OTUB1: variants seen among roughly 807,000 people sequenced by gnomAD.
The protein encoded by OTUB1 is OTU deubiquitinase, ubiquitin aldehyde binding 1.
Under a neutral mutation model 35.8 loss-of-function variants are expected in OTUB1, and 10 were observed. The observed-to-expected ratio is 0.28, with a 90% CI of 0.17 to 0.47. The LOEUF is 0.47. Ranked by LOEUF, OTUB1 falls within the 20% of genes least tolerant of loss-of-function variation. OTUB1 has a pLI of 0.99. For synonymous variants in OTUB1, 158 were observed against 143.8 expected, an observed-to-expected ratio of 1.10 and a Z score of -0.71; for missense variants, 264 against 351.6, an observed-to-expected ratio of 0.75 and a Z score of 1.99.
chr11:63,997,670 C>CA lies in OTUB1; in HGVS notation c.*124_*125insA. ...CCTTCTTCCTGTCACATGACCCCCC[C>CA]CCATGTTTTATTAAAGGGGGTGCTG... On this transcript the variant is annotated 3_prime_UTR_variant, in exon 7 of 7. Coordinates refer to ENST00000538426, the MANE Select transcript of OTUB1 (RefSeq NM_017670.3). 1 of 797,986 alleles carries CA rather than the reference C, an allele frequency of 1.3e-6. No homozygotes were observed. 49.4% of individuals were successfully genotyped at this position (797,986 alleles called of 1,614,324 possible).
At chr11:63,991,917 AAAATG>A (rs1247162728) in intron 3 of OTUB1, among the ~76,000 whole-genome samples, 10 of 152,156 alleles carry the variant, frequency 6.6e-5, no homozygotes, top group Non-Finnish European at 1.0e-4. Flanking sequence ...GCTGTGGAGA[AAAATG>A]AAAAGGGGAT....
At chr11:63,997,272 G>A (rs1282184546) in intron 6 of OTUB1, 28 bp downstream of exon 6, 1 of 1,611,452 alleles carries the variant, frequency 6.2e-7, no homozygotes. Flanking sequence ...TTTACTCTCG[G>A]CCGGGGGAGT....
At chr11:63,992,699 C>T (rs912165289) in intron 3 of OTUB1, among the ~76,000 whole-genome samples, 4 of 152,152 alleles carry the variant, frequency 2.6e-5, no homozygotes, top group Admixed American at 1.3e-4. Flanking sequence ...TACAGATGCT[C>T]GCCACCATGC....
chr11:63,995,758 T>A (rs1942711115), intron 3 of OTUB1, among the ~76,000 whole-genome samples: 1 of 149,722 alleles, frequency 6.7e-6, no homozygotes, highest in South Asian at 2.1e-4. Context: ...TGGTGGGGGC[T>A]GAGGAAAAAA....
At chr11:63,996,393 C>A in intron 3 of OTUB1, 137 bp from the exon 4 acceptor site, 1 of 868,256 alleles carries the variant, frequency 1.2e-6, no homozygotes, top group South Asian at 1.6e-5. Flanking sequence ...CAGCCTGTTT[C>A]AGGGACCCAG....
intron 1 of OTUB1, among the ~76,000 whole-genome samples, 172 bp downstream of exon 1, chr11:63,986,686 G>A (rs1942623130): frequency 6.6e-6 from 1 of 152,160 alleles, no homozygotes; most frequent in Non-Finnish European, 1.5e-5. Flanking sequence ...AGGAGCCACC[G>A]CCGCGACCCC....
At chr11:63,986,639 C>T (rs987997166) in intron 1 of OTUB1, 125 bp downstream of exon 1, 38 of 746,072 alleles carry the variant, frequency 5.1e-5, no homozygotes, top group Non-Finnish European at 4.1e-5. Context: ...GGGTCCCTTC[C>T]TCCACCTCCG....
chr11:63,997,611 T>A lies in OTUB1; in HGVS notation c.*65T>A, dbSNP rs1590783172. ...GCCAGGCGCTAGACATGTACAGAGGTTTTTCTGTGGTTGTAAATGGTCCTA... is the reference window on the plus strand; with the variant it reads ...GCCAGGCGCTAGACATGTACAGAGGATTTTCTGTGGTTGTAAATGGTCCTA... On this transcript the variant is annotated 3_prime_UTR_variant, in exon 7 of 7. Coordinates refer to ENST00000538426, the MANE Select transcript of OTUB1 (RefSeq NM_017670.3). 1.4e-6 allele frequency: 2 copies of A among 1,410,364 alleles called. No homozygotes were observed. Among genetic ancestry groups the A allele is most frequent in the Non-Finnish European group, 2.0e-6 (2 of 1,000,256 alleles). The allele number at this position is 1,410,364 out of a possible 1,614,324, so 87.4% of individuals were successfully genotyped here.
chr11:63,987,156 G>A (rs953703567), intron 1 of OTUB1: 1 of 152,296 alleles, frequency 6.6e-6, no homozygotes, highest in Non-Finnish European at 1.5e-5. Flanking sequence ...CCTATGAGTT[G>A]GGCCCTGGGG....
At chr11:63,995,544 G>T (rs1464664401) in intron 3 of OTUB1, among the ~76,000 whole-genome samples, 1 of 151,882 alleles carries the variant, frequency 6.6e-6, no homozygotes, top group African/African-American at 2.4e-5. Flanking sequence ...GCCCAGGCTG[G>T]TCTCGAACTC....
intron 1 of OTUB1, 199 bp downstream of exon 1, chr11:63,986,713 C>G: frequency 1.8e-6 from 1 of 549,920 alleles, no homozygotes; most frequent in Admixed American, 3.5e-5. Context: ...GGAGGGAGCA[C>G]GGGCGAGGCG....
chr11:63,986,722 C>T (rs1565183742), intron 1 of OTUB1: 2 of 540,790 alleles, frequency 3.7e-6, no homozygotes, highest in South Asian at 2.5e-5. Context: ...ACGGGCGAGG[C>T]GGGCCAAGGC....
In OTUB1 at chr11:63,988,720, G is replaced by A. The variant is rs904675514; in HGVS notation, c.187G>A (p.Glu63Lys). Reference protein sequence around the residue: ...ELSVLYKEYAEDDNIYQQKIK... With the variant: ...ELSVLYKEYAKDDNIYQQKIK... ...CTCGGTCCTATACAAGGAGTATGCT[G>A]AAGATGACAACATCTATCAACAGAA... The change falls in exon 3 of 7, where the codon GAA (glutamate) becomes AAA (lysine). Residue 63 changes from glutamate to lysine, a missense_variant. Around this residue, in one of 2 missense-constraint regions of OTUB1, gnomAD observed 214 missense variants for 317.1 expected, o/e 0.67. Coordinates refer to ENST00000538426, the MANE Select transcript of OTUB1 (RefSeq NM_017670.3). 3.1e-6 allele frequency: 5 copies of A among 1,612,974 alleles called. No homozygotes were observed. Among genetic ancestry groups the A allele is most frequent in the Middle Eastern group, 1.7e-4 (1 of 6,046 alleles).
chr11:63,993,072 A>G (rs1388744971), intron 3 of OTUB1, among the ~76,000 whole-genome samples: 1 of 152,242 alleles, frequency 6.6e-6, no homozygotes, highest in Non-Finnish European at 1.5e-5. Flanking sequence ...TTGTGCAGTA[A>G]AATCTGCTGG....
In OTUB1 at chr11:63,997,729, T is replaced by A; in HGVS notation, c.*183T>A. The A allele has an allele frequency of 1.4e-6, 1 of 707,492 alleles. No homozygotes were observed. Among genetic ancestry groups the A allele is most frequent in the Middle Eastern group, 2.5e-4 (1 of 3,936 alleles). The allele number at this position is 707,492 out of a possible 1,614,324, so 43.8% of individuals were successfully genotyped here. Reference sequence around the variant, plus strand: ...CCGTGTGTGCGTGTCCCTGCTCTGCTGCCCGCCTGGCTGCTCTGTCTGCTG... The same window carrying A: ...CCGTGTGTGCGTGTCCCTGCTCTGCAGCCCGCCTGGCTGCTCTGTCTGCTG... On this transcript the variant is annotated 3_prime_UTR_variant, in exon 7 of 7. Transcript: ENST00000538426.
At chr11:63,988,602 A>T in intron 2 of OTUB1, 52 bp from the exon 3 acceptor site, 11 of 1,408,360 alleles carry the variant, frequency 7.8e-6, no homozygotes, top group Non-Finnish European at 1.1e-5. Flanking sequence ...TCTGTTAGGC[A>T]TGGGTCACTC....
Position 63,997,730 on chromosome 11 carries a change from G to A in OTUB1, c.*184G>A. On this transcript the variant is annotated 3_prime_UTR_variant, in exon 7 of 7. Coordinates refer to ENST00000538426, the MANE Select transcript of OTUB1 (RefSeq NM_017670.3). ...CGTGTGTGCGTGTCCCTGCTCTGCT[G>A]CCCGCCTGGCTGCTCTGTCTGCTGC... The A allele has an allele frequency of 1.4e-6, 1 of 707,270 alleles. No individual in the cohort carries two copies. The highest frequency in any genetic ancestry group is 2.6e-4 in the Middle Eastern group (1 of 3,884). The allele number at this position is 707,270 out of a possible 1,614,324, so 43.8% of individuals were successfully genotyped here. A position where few individuals can be genotyped will look rare whatever the true frequency, so the allele number is the denominator to read the frequency against.
At chr11:63,996,746 G>A (rs750981406) in intron 4 of OTUB1, 98 bp downstream of exon 4, 10 of 1,609,826 alleles carry the variant, frequency 6.2e-6, no homozygotes, top group African/African-American at 1.3e-5. Context: ...CCTCCTTCCC[G>A]GGCGATGGGC....
intron 6 of OTUB1, 50 bp from the exon 7 acceptor site, chr11:63,997,299 G>A (rs1942730913): frequency 1.2e-6 from 2 of 1,611,842 alleles, no homozygotes; most frequent in African/African-American, 2.7e-5. Flanking sequence ...GGCCCACAGG[G>A]CCTGGGGCGG....
Sources: gnomAD v4.1 joint callset for allele counts (sites outside exome capture counted in the v4.1 genomes callset) on GRCh38, gnomAD v4.1.1 for gene constraint, gnomAD v4.1.1 regional missense constraint, MANE v1.5 for transcripts, NCBI Gene and HGNC (gene_info 2026-07-23, HGNC 2026-07-21) for gene names.